The following UGDH variants were observed in gnomAD, a reference collection of about 807,000 sequenced individuals.
UGDH encodes the protein UDP-Glc dehydrogenase.
UGDH carries 38 observed loss-of-function variants against 50.6 expected under a neutral mutation model. The ratio of observed to expected loss-of-function variants is 0.75; its 90% confidence interval spans 0.58 to 0.98. UGDH has a LOEUF of 0.98. UGDH is among the 50% of genes least tolerant of loss of function. UGDH has a pLI of 0.00. For missense variants in UGDH, 465 were observed against 606.2 expected (o/e 0.77, Z 2.45); for synonymous variants, 168 against 199.9 (o/e 0.84, Z 1.35).
At chr4:39,502,869 C>T (rs115993543) in intron 11 of UGDH, among the ~76,000 whole-genome samples, 6,526 of 152,162 alleles carry the variant, frequency 0.043, 186 homozygotes, top group Non-Finnish European at 0.065. Flanking sequence ...ACGTCAGCCT[C>T]CCATGTGGCT....
intron 3 of UGDH, among the ~76,000 whole-genome samples, chr4:39,512,910 C>T (rs867201975): frequency 6.6e-6 from 1 of 151,120 alleles, no homozygotes; most frequent in African/African-American, 2.4e-5. Context: ...CAGCCTCAAC[C>T]TCCAGGGTTC....
chr4:39,500,180 C>T lies in UGDH; in HGVS notation c.1448G>A (p.Ser483Asn), dbSNP rs1280951409. ...YAPSGEIPKFSLQDPPNKKPK... is the reference protein window; with the variant it reads ...YAPSGEIPKFNLQDPPNKKPK... ...TTTCTTGTTAGGTGGATCTTGAAGA[C>T]TAAACTTCGGAATTTCACCAGAAGG... is the stretch of plus-strand genomic sequence containing the variant. The change falls in exon 12 of 12, where the codon AGT becomes AAT. Residue 483 changes from serine (S) to asparagine (N), a missense_variant. Physicochemically the swap from Ser to Asn is conservative, Grantham distance 46. Coordinates refer to ENST00000316423, the MANE Select transcript of UGDH (RefSeq NM_003359.4). The T allele has an allele frequency of 3.7e-6, 6 of 1,600,592 alleles. No homozygotes were observed. Among genetic ancestry groups the T allele is most frequent in the South Asian group, 1.1e-5 (1 of 88,450 alleles).
intron 1 of UGDH, among the ~76,000 whole-genome samples, chr4:39,524,596 A>G (rs1401893299): frequency 6.6e-6 from 1 of 151,170 alleles, no homozygotes; most frequent in East Asian, 1.9e-4. Context: ...TCCGCCTCCC[A>G]GGTTCAAGTG....
rs199739983 is a variant in UGDH, at chr4:39,517,258, A to G, written c.163-3074T>C. Among the ~76,000 whole-genome samples the G allele has an allele frequency of 1.1e-4, 17 of 149,062 alleles. No homozygotes were observed. In the East Asian group the frequency reaches 3.4e-3, roughly 29 times the overall value. ...TCACTCTGTTGCTAGGCTGGAGTGC[A>G]GTGGCGCGATCTCGGCTCACTGCAA... is the stretch of plus-strand genomic sequence containing the variant. On this transcript the variant is annotated intron_variant, in intron 2 of 11. Coordinates refer to ENST00000316423, the MANE Select transcript of UGDH (RefSeq NM_003359.4).
intron 11 of UGDH, among the ~76,000 whole-genome samples, chr4:39,501,715 G>A (rs1176701293): frequency 1.3e-5 from 2 of 152,120 alleles, no homozygotes; most frequent in African/African-American, 2.4e-5. Flanking sequence ...TCAAAGGGTC[G>A]TGGTAAGTAT....
intron 7 of UGDH, among the ~76,000 whole-genome samples, chr4:39,507,817 A>G (rs1327947930): frequency 6.6e-6 from 1 of 151,906 alleles, no homozygotes; most frequent in African/African-American, 2.4e-5. Flanking sequence ...AAATTAGCCA[A>G]TGTGGTGGTG....
At position 39,500,027 on chromosome 4, in the gene UGDH, C is replaced by CAAA. The variant is rs58175625; in HGVS notation, c.*113_*115dup. On this transcript the variant is annotated 3_prime_UTR_variant, in exon 12 of 12. Coordinates refer to ENST00000316423, the MANE Select transcript of UGDH (RefSeq NM_003359.4). ...CCTGGGCAACAGTGAGACTCTGTCT[C>CAAA]AAAAAAAAAACAAAAAAAAACACTT... The CAAA allele has an allele frequency of 3.3e-4, 160 of 482,438 alleles. No homozygotes were observed. The highest frequency in any genetic ancestry group is 6.1e-4 in the Middle Eastern group (1 of 1,642). 29.9% of individuals were successfully genotyped at this position (482,438 alleles called of 1,614,324 possible).
At chr4:39,502,875 T>A (rs749229772) in intron 11 of UGDH, among the ~76,000 whole-genome samples, 1 of 152,122 alleles carries the variant, frequency 6.6e-6, no homozygotes, top group Non-Finnish European at 1.5e-5. Flanking sequence ...GCCTCCCATG[T>A]GGCTGGGATT....
chr4:39,500,671 T>C (rs1001059929), intron 11 of UGDH, among the ~76,000 whole-genome samples: 1 of 123,676 alleles, frequency 8.1e-6, no homozygotes, highest in African/African-American at 2.8e-5. Flanking sequence ...TTTTTTTTTT[T>C]CTTGAGATGG....
At position 39,521,366 on chromosome 4, in the gene UGDH, T is replaced by C. The variant is rs1251383377; in HGVS notation, c.147A>G (p.Thr49=). 2 of 1,608,812 alleles carry C rather than the reference T, an allele frequency of 1.2e-6. No homozygotes were observed. The highest frequency in any genetic ancestry group is 2.2e-5 in the East Asian group (1 of 44,640). Residue 49 remains threonine (T), a synonymous_variant, in exon 2 of 12, where the codon ACA becomes ACG. Transcript: ENST00000316423. The part of the protein sequence containing the change: ...ESRINAWNSP[T]LPIYEPGLKE... Reference sequence around the variant, plus strand: ...ATATGTTTACCTCATAAATAGGAAGTGTAGGAGAATTCCACGCATTGATTC... The same window carrying C: ...ATATGTTTACCTCATAAATAGGAAGCGTAGGAGAATTCCACGCATTGATTC...
At chr4:39,512,435 C>A (rs1746280245) in intron 3 of UGDH, among the ~76,000 whole-genome samples, 1 of 152,082 alleles carries the variant, frequency 6.6e-6, no homozygotes, top group African/African-American at 2.4e-5. Context: ...TACGGAAAGG[C>A]AAAGACAGCT....
intron 10 of UGDH, 106 bp downstream of exon 10, chr4:39,504,311 A>AAAAAAAC: frequency 9.3e-7 from 1 of 1,075,896 alleles, no homozygotes; most frequent in Admixed American, 2.4e-5. Flanking sequence ...CCATCTCAAA[A>AAAAAAAC]AAAAAAACAA....
At chr4:39,503,275 C>G (rs1354873726) in intron 11 of UGDH, among the ~76,000 whole-genome samples, 1 of 152,114 alleles carries the variant, frequency 6.6e-6, no homozygotes, top group Non-Finnish European at 1.5e-5. Flanking sequence ...GTCTCGAACT[C>G]CTGGCCTTAA....
At chr4:39,504,654 T>G (rs896004027) in intron 9 of UGDH, 146 bp from the exon 10 acceptor site, 5 of 688,172 alleles carry the variant, frequency 7.3e-6, no homozygotes, top group Non-Finnish European at 1.2e-5. Flanking sequence ...TATATATACT[T>G]ACACACATAC....
chr4:39,502,702 T>C (rs1745867183), intron 11 of UGDH, among the ~76,000 whole-genome samples: 1 of 152,222 alleles, frequency 6.6e-6, no homozygotes, highest in African/African-American at 2.4e-5. Flanking sequence ...AACACTGTTC[T>C]GGGTGGAGGC....
In UGDH at chr4:39,510,725, A is replaced by G. The variant is rs1439780087; in HGVS notation, c.401T>C (p.Val134Ala). 6 of 1,614,184 alleles carry G rather than the reference A, an allele frequency of 3.7e-6. No individual in the cohort carries two copies. Among genetic ancestry groups the G allele is most frequent in the Non-Finnish European group, 4.2e-6 (5 of 1,180,012 alleles). The change falls in exon 4 of 12, where the codon GTG becomes GCG. Residue 134 changes from valine (V) to alanine (A), a missense_variant. Physicochemically the swap from Val to Ala is moderately conservative, Grantham distance 64 (BLOSUM62 0). Coordinates refer to ENST00000316423, the MANE Select transcript of UGDH (RefSeq NM_003359.4). ...KIVTEKSTVP[V>A]RAAESIRRIF... ...GCGACGGATACTTTCTGCTGCCCGC[A>G]CTGGAACTGTGCTTTTCTCAGTCAC...
chr4:39,505,432 G>C, intron 8 of UGDH, 62 bp from the exon 9 acceptor site: 1 of 1,354,124 alleles, frequency 7.4e-7, no homozygotes, highest in South Asian at 1.9e-5. Context: ...TAATACCAGG[G>C]AGTTTAAGAT....
At chr4:39,513,531 C>CTTTTTTTTTT (rs10707997) in intron 3 of UGDH, among the ~76,000 whole-genome samples, 1 of 88,008 alleles carries the variant, frequency 1.1e-5, no homozygotes, top group African/African-American at 4.3e-5. Flanking sequence ...TTTCCTAGTT[C>CTTTTTTTTTT]TTTTTTTTTT....
chr4:39,504,881 A>C (rs547646494), intron 9 of UGDH, among the ~76,000 whole-genome samples: 40 of 152,360 alleles, frequency 2.6e-4, no homozygotes, highest in Non-Finnish European at 5.1e-4. Context: ...AACCACACAT[A>C]AGGGGATAGT....
Sources: gnomAD v4.1 joint callset for allele counts (sites outside exome capture counted in the v4.1 genomes callset) on GRCh38, gnomAD v4.1.1 for gene constraint, MANE v1.5 for transcripts, NCBI Gene and HGNC (gene_info 2026-07-23, HGNC 2026-07-21) for gene names.